NPAS2: variants seen among roughly 807,000 people sequenced by gnomAD.
NPAS2 encodes the protein neuronal PAS domain protein 2.
NPAS2 carries 23 observed loss-of-function variants against 107.5 expected under a neutral mutation model. The ratio of observed to expected loss-of-function variants is 0.21; its 90% CI spans 0.15 to 0.30. NPAS2 has a LOEUF of 0.30. NPAS2 is among the 10% of genes least tolerant of loss of function. NPAS2 has a pLI of 1.00. For missense variants in NPAS2, 756 were observed against 1,043.3 expected (o/e 0.72, Z 3.79); for synonymous variants, 403 against 417.5 (o/e 0.97, Z 0.42).
rs916216131 is a variant in NPAS2, at chr2:100,836,314, A to G, written c.-23+15900A>G. The stretch of plus-strand genomic sequence containing the variant: ...CCCAGAGAGGTGGGATCAGCCACCC[A>G]GTGCCTTCTCAGAATAAGCATATTA... On this transcript the variant is annotated intron_variant, in intron 1 of 20. Transcript: ENST00000335681. 3.3e-5 allele frequency among the ~76,000 whole-genome samples: 5 copies of G among 152,292 alleles called. No homozygotes were observed. The South Asian group carries it at 1.0e-3, about 32-fold the overall frequency.
chr2:100,945,919 G>A (rs1368443864), intron 5 of NPAS2, among the ~76,000 whole-genome samples: 3 of 152,108 alleles, frequency 2.0e-5, no homozygotes, highest in African/African-American at 7.2e-5. Context: ...TGCTGGCCAC[G>A]CCATTCTTTC....
chr2:100,980,627 G>A (rs917792697), intron 15 of NPAS2, among the ~76,000 whole-genome samples: 3 of 152,068 alleles, frequency 2.0e-5, no homozygotes, highest in East Asian at 1.9e-4. Flanking sequence ...CCACCACCAC[G>A]CCTGGCTAAT....
In NPAS2 at chr2:100,968,193, TGAAAGC is replaced by T; in HGVS notation, c.908-87_908-82del. On this transcript the variant is annotated intron_variant, in intron 10 of 20. Transcript: ENST00000335681. The surrounding 1 kb of genome is among the most constrained non-coding windows in gnomAD (Gnocchi z 5.3). ...CCATGTTTGGTATTGTCTTTTTTTT[TGAAAGC>T]TTATCTTTACAATAACTCTTGGGGA... The T allele has an allele frequency of 9.1e-6, 13 of 1,422,360 alleles. No homozygotes were observed. In the Admixed American group the frequency reaches 1.9e-4, roughly 21 times the overall value. 88.1% of individuals were successfully genotyped at this position (1,422,360 alleles called of 1,614,324 possible). A position where few individuals can be genotyped will look rare whatever the true frequency, so the allele number is the denominator to read the frequency against.
At chr2:100,956,817 G>A (rs983916082) in intron 7 of NPAS2, among the ~76,000 whole-genome samples, 2 of 152,190 alleles carry the variant, frequency 1.3e-5, no homozygotes, top group African/African-American at 4.8e-5. Context: ...TGGCTACCCG[G>A]GATTTGTCAG....
intron 4 of NPAS2, among the ~76,000 whole-genome samples, chr2:100,936,670 C>T (rs1684319493): frequency 1.3e-5 from 2 of 152,056 alleles, no homozygotes; most frequent in Non-Finnish European, 2.9e-5. Flanking sequence ...AAAATAAATC[C>T]CAATAAACAA....
At chr2:100,874,792 C>T (rs1395757253) in intron 1 of NPAS2, among the ~76,000 whole-genome samples, 1 of 152,066 alleles carries the variant, frequency 6.6e-6, no homozygotes, top group Non-Finnish European at 1.5e-5. Flanking sequence ...CAAGCGTTCT[C>T]ACAGCCCTGC....
chr2:100,994,372 A>G (rs1041649129), intron 20 of NPAS2: 2 of 152,256 alleles, frequency 1.3e-5, no homozygotes, highest in Admixed American at 6.5e-5. Flanking sequence ...TAATTTTCAG[A>G]TCTCCCTGAC....
At chr2:100,990,668 G>C (rs903057125) in intron 18 of NPAS2, 112 bp from the exon 19 acceptor site, 2 of 1,101,610 alleles carry the variant, frequency 1.8e-6, no homozygotes, top group African/African-American at 3.1e-5. Flanking sequence ...AGGAGAGTGG[G>C]GATTAGAGTC....
In NPAS2 at chr2:100,965,405, C is replaced by T. The variant is rs570966356; in HGVS notation, c.801-255C>T. 6.6e-6 allele frequency among the ~76,000 whole-genome samples: 1 copy of T among 152,130 alleles called. No homozygotes were observed. Among genetic ancestry groups the T allele is most frequent in the Non-Finnish European group, 1.5e-5 (1 of 68,008 alleles). On this transcript the variant is annotated intron_variant, in intron 9 of 20. Transcript: ENST00000335681. This position sits in a 1 kb window ranked among gnomAD's most constrained non-coding sequence, Gnocchi z 4.3. The stretch of plus-strand genomic sequence containing the variant: ...TCCAATTTGTAGCTGTTTTTAATTA[C>T]CCAGTAGTGATAAAGCTTATTGTTA...
chr2:100,836,684 G>A (rs879323645), intron 1 of NPAS2, among the ~76,000 whole-genome samples: 6 of 152,156 alleles, frequency 3.9e-5, no homozygotes, highest in Admixed American at 2.0e-4. Flanking sequence ...CCGTACGCAC[G>A]GAACTGTTTT....
chr2:100,988,312 C>G, intron 17 of NPAS2, 36 bp downstream of exon 17: 1 of 1,563,690 alleles, frequency 6.4e-7, no homozygotes, highest in Non-Finnish European at 8.8e-7. Flanking sequence ...CTCCTTGCCT[C>G]TAGAGCAGAC....
At position 100,975,637 on chromosome 2, in the gene NPAS2, A is replaced by T; in HGVS notation, c.1392+70A>T. 8.9e-6 allele frequency: 10 copies of T among 1,122,674 alleles called. No individual in the cohort carries two copies. In the South Asian group the frequency reaches 1.5e-4, roughly 17 times the overall value. 69.5% of individuals were successfully genotyped at this position (1,122,674 alleles called of 1,614,324 possible). A position where few individuals can be genotyped will look rare whatever the true frequency, so the allele number is the denominator to read the frequency against. On this transcript the variant is annotated intron_variant, in intron 14 of 20. Transcript: ENST00000335681. ...GTGGTGGGGGCTGCAGAGCCAGGCG[A>T]TGTGCTGCGTCTCCCCAGAGAATCC...
intron 1 of NPAS2, chr2:100,821,019 C>T: frequency 7.7e-7 from 1 of 1,299,152 alleles, no homozygotes; most frequent in South Asian, 1.3e-5. Flanking sequence ...CGGAGCTCCC[C>T]AGGTTGGATG....
At chr2:100,889,197 A>G (rs534470958) in intron 1 of NPAS2, among the ~76,000 whole-genome samples, 138 of 152,338 alleles carry the variant, frequency 9.1e-4, no homozygotes, top group African/African-American at 3.2e-3. Context: ...TTGTCACTCA[A>G]TTAAGGCAGT....
chr2:100,822,579 AAAT>A (rs1204166656), intron 1 of NPAS2: 1 of 152,232 alleles, frequency 6.6e-6, no homozygotes, highest in African/African-American at 2.4e-5. Context: ...TTTCAGAATA[AAAT>A]AATAAGGCAT....
At chr2:100,889,893 A>G (rs1446184045) in intron 1 of NPAS2, among the ~76,000 whole-genome samples, 1 of 144,200 alleles carries the variant, frequency 6.9e-6, no homozygotes, top group Non-Finnish European at 1.5e-5. Context: ...TGAATGCATC[A>G]TTGTGTAGAT....
chr2:100,825,827 A>G (rs1573400140), intron 1 of NPAS2, among the ~76,000 whole-genome samples: 1 of 152,302 alleles, frequency 6.6e-6, no homozygotes, highest in Non-Finnish European at 1.5e-5. Context: ...ATGCCTGCAA[A>G]CTGGGCAGCC....
At chr2:100,884,536 A>T (rs573872747) in intron 1 of NPAS2, among the ~76,000 whole-genome samples, 1 of 152,332 alleles carries the variant, frequency 6.6e-6, no homozygotes, top group African/African-American at 2.4e-5. Flanking sequence ...TGTGACATAC[A>T]TGCTCTCGCA....
At chr2:100,911,243 C>A (rs1168162626) in intron 2 of NPAS2, among the ~76,000 whole-genome samples, 1 of 152,138 alleles carries the variant, frequency 6.6e-6, no homozygotes, top group East Asian at 1.9e-4. Context: ...CCTCCTCTGG[C>A]CATGGTCCTT....
Sources: allele counts gnomAD v4.1 joint callset (sites outside exome capture counted in the v4.1 genomes callset), GRCh38; gene constraint gnomAD v4.1.1; non-coding constraint Gnocchi (gnomAD v3.1); transcripts MANE v1.5; gene names NCBI Gene and HGNC (gene_info 2026-07-23, HGNC 2026-07-21).